Variants in HIVEP3 observed in about 807,000 individuals in gnomAD.
HIVEP3 encodes the protein HIVEP zinc finger 3, also known as transcription factor HIVEP3.
A neutral mutation model predicts 152.8 loss-of-function variants in HIVEP3; 49 were observed. The observed-to-expected ratio is 0.32, with a 90% CI of 0.26 to 0.41. The LOEUF (loss-of-function observed/expected upper bound fraction) is 0.41, where lower values mean the gene tolerates loss of function less well. Among genes scored for constraint, HIVEP3 ranks in the 10% least tolerant of loss-of-function variants. The pLI, the probability that HIVEP3 is intolerant of heterozygous loss-of-function variation, is 1.00. For missense variants in HIVEP3, 2,790 were observed against 3,103.3 expected (o/e 0.90, Z 2.40); for synonymous variants, 1,269 against 1,289.0 (o/e 0.98, Z 0.33).
intron 1 of HIVEP3, among the ~76,000 whole-genome samples, chr1:41,886,254 A>C (rs1644344836): frequency 6.6e-6 from 1 of 152,086 alleles, no homozygotes. Context: ...GTGTAGTGGG[A>C]TTTATGTCTA....
At chr1:41,665,125 A>G (rs1449067988) in intron 2 of HIVEP3, among the ~76,000 whole-genome samples, 2 of 152,072 alleles carry the variant, frequency 1.3e-5, no homozygotes, top group African/African-American at 4.8e-5. Context: ...TCTGGTGCCA[A>G]TTCTCACTGG....
At position 41,664,076 on chromosome 1, in the gene HIVEP3, G is replaced by C. The variant is rs1645758603; in HGVS notation, c.-720-35129C>G. 6.6e-6 allele frequency among the ~76,000 whole-genome samples: 1 copy of C among 152,206 alleles called. No individual in the cohort carries two copies. Among genetic ancestry groups the C allele is most frequent in the Non-Finnish European group, 1.5e-5 (1 of 68,046 alleles). ...TCCACTTCTTGAGGTCTTCATACAGGCTTTCCCTTTGAAATGTCTTCTCCA... is the reference window on the plus strand; with the variant it reads ...TCCACTTCTTGAGGTCTTCATACAGCCTTTCCCTTTGAAATGTCTTCTCCA... On this transcript the variant is annotated intron_variant, in intron 2 of 8. Coordinates refer to ENST00000372583, the MANE Select transcript of HIVEP3 (RefSeq NM_024503.5). The surrounding 1 kb of genome is among the most constrained non-coding windows in gnomAD (Gnocchi z 4.4).
chr1:41,885,373 A>G (rs907652037), intron 1 of HIVEP3, among the ~76,000 whole-genome samples: 24 of 149,786 alleles, frequency 1.6e-4, no homozygotes, highest in African/African-American at 5.6e-4. Context: ...GATGGCTAGG[A>G]AAAAAAAAAG....
chr1:41,986,212 A>G (rs1046813386), intron 1 of HIVEP3, among the ~76,000 whole-genome samples: 1 of 152,236 alleles, frequency 6.6e-6, no homozygotes, highest in Admixed American at 6.5e-5. Context: ...GCCTGCTTAT[A>G]TAACTATCTA....
chr1:41,876,116 G>GT (rs67320823), intron 1 of HIVEP3, among the ~76,000 whole-genome samples: 79,044 of 146,560 alleles, frequency 0.54, 23,492 homozygotes, highest in South Asian at 0.73. Flanking sequence ...AGAGTGTTAA[G>GT]TTTTTTTTTT....
intron 1 of HIVEP3, among the ~76,000 whole-genome samples, chr1:42,030,842 G>A (rs773330792): frequency 3.3e-5 from 5 of 152,212 alleles, no homozygotes; most frequent in South Asian, 4.1e-4. Flanking sequence ...CAGGCATTGC[G>A]TAAACAGGGG....
chr1:41,974,099 T>G (rs940237634), intron 1 of HIVEP3, among the ~76,000 whole-genome samples: 7 of 152,078 alleles, frequency 4.6e-5, no homozygotes, highest in Non-Finnish European at 8.8e-5. Flanking sequence ...GGAAGAGAGC[T>G]GGATGCGTTC....
At chr1:41,877,741 A>C (rs1644193781) in intron 1 of HIVEP3, among the ~76,000 whole-genome samples, 1 of 152,214 alleles carries the variant, frequency 6.6e-6, no homozygotes, top group African/African-American at 2.4e-5. Flanking sequence ...GATATTTATA[A>C]GGCTAAGAAT....
rs960958008 is a variant in HIVEP3 at position 41,739,123 on chromosome 1, G to A, written c.-800-38128C>T. ...GAATCGATGCCCCCGACTTGCTGCC[G>A]CAAAGTGTGGCAAAGCCCAAGGAGC... On this transcript the variant is annotated intron_variant, in intron 1 of 8. Coordinates refer to ENST00000372583, the MANE Select transcript of HIVEP3 (RefSeq NM_024503.5). Among the ~76,000 whole-genome samples, 12 of 152,356 alleles carry A rather than the reference G, an allele frequency of 7.9e-5. No homozygotes were observed. In the South Asian group the frequency reaches 1.4e-3, roughly 18 times the overall value.
intron 3 of HIVEP3, among the ~76,000 whole-genome samples, chr1:41,588,725 G>A (rs931965332): frequency 9.9e-5 from 15 of 152,282 alleles, no homozygotes; most frequent in African/African-American, 2.6e-4. Flanking sequence ...CTGCCAGGGC[G>A]CAGAGTGAGC....
intron 1 of HIVEP3, among the ~76,000 whole-genome samples, chr1:41,864,269 G>T (rs111538193): frequency 6.6e-6 from 1 of 152,218 alleles, no homozygotes; most frequent in Non-Finnish European, 1.5e-5. Context: ...TTGGGTGTGC[G>T]TAGCAAGCAG....
intron 2 of HIVEP3, among the ~76,000 whole-genome samples, chr1:41,655,548 A>G (rs940986088): frequency 7.5e-6 from 1 of 132,778 alleles, no homozygotes. Flanking sequence ...GTGCCATTGC[A>G]CTCCAGCCTG....
intron 1 of HIVEP3, among the ~76,000 whole-genome samples, chr1:41,855,742 C>T (rs1643747800): frequency 6.6e-6 from 1 of 152,198 alleles, no homozygotes; most frequent in South Asian, 2.1e-4. Flanking sequence ...AGAAACGGCA[C>T]TAGGGTCACA....
At chr1:41,912,605 A>C (rs7552489) in intron 1 of HIVEP3, among the ~76,000 whole-genome samples, 82,160 of 152,020 alleles carry the variant, frequency 0.54, 22,544 homozygotes, top group East Asian at 0.71. Flanking sequence ...GCTCTGGCTC[A>C]TTTATTTGAT....
intron 1 of HIVEP3, among the ~76,000 whole-genome samples, chr1:41,777,833 C>T (rs1648804891): frequency 6.6e-6 from 1 of 152,218 alleles, no homozygotes; most frequent in Non-Finnish European, 1.5e-5. Context: ...AGCTCCTTGC[C>T]CTCTGGGAAG....
At chr1:41,882,723 A>G (rs1644282941) in intron 1 of HIVEP3, among the ~76,000 whole-genome samples, 1 of 152,096 alleles carries the variant, frequency 6.6e-6, no homozygotes, top group African/African-American at 2.4e-5. Flanking sequence ...CACTCAATCA[A>G]TGAGAATTAT....
rs148424469 is a variant in HIVEP3, at chr1:41,580,802, G to A, written c.3996C>T (p.Ser1332=). The change falls in exon 4 of 9, where the codon AGC becomes AGT. Residue 1332 remains serine (S), a synonymous_variant. Transcript: ENST00000372583. ...TCTGGGAAAGGGTGGTGTACATTGCGCTCCCATAGGACGGCATATTGGTCT... is the reference window on the plus strand; with the variant it reads ...TCTGGGAAAGGGTGGTGTACATTGCACTCCCATAGGACGGCATATTGGTCT... ...RVQTNMPSYG[S]AMYTTLSQIL... The A allele has an allele frequency of 9.8e-5, 155 of 1,576,738 alleles. 3 individuals carry two copies. The highest frequency in any genetic ancestry group is 3.8e-4 in the East Asian group (17 of 44,626).
intron 1 of HIVEP3, among the ~76,000 whole-genome samples, chr1:41,837,614 C>T (rs1643162791): frequency 6.6e-6 from 1 of 152,244 alleles, no homozygotes; most frequent in Admixed American, 6.5e-5. Flanking sequence ...GCAAGAGCCA[C>T]CACGCCCGGC....
At chr1:42,005,480 G>A (rs906069327) in intron 1 of HIVEP3, among the ~76,000 whole-genome samples, 6 of 151,928 alleles carry the variant, frequency 3.9e-5, no homozygotes, top group African/African-American at 1.5e-4. Context: ...AATGAGTCAG[G>A]CAAATTCCAG....
Sources: allele counts gnomAD v4.1 joint callset (sites outside exome capture counted in the v4.1 genomes callset), GRCh38; gene constraint gnomAD v4.1.1; non-coding constraint Gnocchi (gnomAD v3.1); transcripts MANE v1.5; gene names NCBI Gene and HGNC (gene_info 2026-07-23, HGNC 2026-07-21).